Variants in ELF5 observed in about 807,000 individuals in gnomAD.
ELF5 encodes ETS-related transcription factor Elf-5.
Under a neutral mutation model 38.2 loss-of-function variants are expected in ELF5, and 31 were observed. The ratio of observed to expected loss-of-function variants is 0.81; its 90% CI spans 0.61 to 1.10. The LOEUF is 1.10. Ranked by LOEUF, ELF5 falls within the 50% of genes least tolerant of loss-of-function variation. The probability of loss-of-function intolerance (pLI) is 0.00; values close to 1 mark genes in which losing one functional copy is unlikely to be tolerated. For synonymous variants in ELF5, 121 were observed against 112.5 expected (o/e 1.08, Z -0.48); for missense variants, 300 against 306.6 (o/e 0.98, Z 0.16).
At chr11:34,502,614 C>T (rs561140133) in intron 2 of ELF5, among the ~76,000 whole-genome samples, 1 of 152,374 alleles carries the variant, frequency 6.6e-6, no homozygotes, top group African/African-American at 2.4e-5. Context: ...CATTTCACAC[C>T]CAACTTCGAC....
At position 34,481,629 on chromosome 11, in the gene ELF5, C is replaced by G. The variant is rs1000969741; in HGVS notation, c.476-662G>C. On this transcript the variant is annotated intron_variant, in intron 5 of 6. Coordinates refer to ENST00000257832, the MANE Select transcript of ELF5 (RefSeq NM_001422.4). The stretch of plus-strand genomic sequence containing the variant: ...CTTTCTGACAGGCAGCATGGTTGTA[C>G]TGATTCCACAGCCACAACTGTCTGG... Among the ~76,000 whole-genome samples, 5 of 152,260 alleles carry G rather than the reference C, an allele frequency of 3.3e-5. No individual in the cohort carries two copies. The South Asian group carries it at 1.0e-3, about 32-fold the overall frequency.
intron 1 of ELF5, among the ~76,000 whole-genome samples, chr11:34,510,559 C>A (rs1181076160): frequency 2.0e-5 from 3 of 152,082 alleles, no homozygotes; most frequent in African/African-American, 4.8e-5. Context: ...TGTCCAGAGC[C>A]CCCTTTCTCA....
chr11:34,495,854 C>T (rs897363981), intron 2 of ELF5, among the ~76,000 whole-genome samples: 1 of 152,186 alleles, frequency 6.6e-6, no homozygotes, highest in Non-Finnish European at 1.5e-5. Context: ...TTCCTGAGTT[C>T]GGCCTGAGCT....
At chr11:34,495,252 G>A (rs559151138) in intron 2 of ELF5, among the ~76,000 whole-genome samples, 41 of 152,350 alleles carry the variant, frequency 2.7e-4, no homozygotes, top group African/African-American at 9.9e-4. Flanking sequence ...AGAGCAGAGA[G>A]TGGCTAAGGT....
chr11:34,511,823 A>C, intron 1 of ELF5: 1 of 531,558 alleles, frequency 1.9e-6, no homozygotes, highest in Non-Finnish European at 3.4e-6. Context: ...CAGAGGAGGA[A>C]AATTCCTTCC....
intron 1 of ELF5, chr11:34,511,836 A>T: frequency 2.0e-6 from 1 of 501,896 alleles, no homozygotes; most frequent in South Asian, 2.6e-5. Context: ...TTCCTTCCTG[A>T]CTCTGGTGGT....
intron 2 of ELF5, among the ~76,000 whole-genome samples, chr11:34,500,531 CA>C (rs1850438404): frequency 6.6e-6 from 1 of 152,196 alleles, no homozygotes. Context: ...GGGCTGGCTG[CA>C]AAGTAGCCAT....
At chr11:34,481,950 A>G (rs556636076) in intron 5 of ELF5, among the ~76,000 whole-genome samples, 7 of 152,350 alleles carry the variant, frequency 4.6e-5, no homozygotes, top group Non-Finnish European at 1.0e-4. Context: ...GTGAAATTAC[A>G]AGCTTGACAC....
chr11:34,512,253 C>A (rs1050174943), intron 1 of ELF5, among the ~76,000 whole-genome samples: 5 of 122,176 alleles, frequency 4.1e-5, no homozygotes, highest in Non-Finnish European at 8.2e-5. Context: ...CTGTGAGAAC[C>A]AATTTGCTGA....
chr11:34,507,713 A>G (rs1850643359), intron 1 of ELF5, among the ~76,000 whole-genome samples: 1 of 152,240 alleles, frequency 6.6e-6, no homozygotes, highest in Non-Finnish European at 1.5e-5. Flanking sequence ...GATTAAAACA[A>G]TCTGTTCACC....
intron 1 of ELF5, 22 bp downstream of exon 1, chr11:34,513,655 A>G (rs1850820813): frequency 6.6e-6 from 1 of 152,316 alleles, no homozygotes; most frequent in Admixed American, 6.5e-5. Flanking sequence ...TTCATCCAAA[A>G]AAGCAAAGAA....
intron 1 of ELF5, among the ~76,000 whole-genome samples, chr11:34,506,922 G>A (rs2133902094): frequency 6.6e-6 from 1 of 152,344 alleles, no homozygotes; most frequent in Middle Eastern, 3.4e-3. Context: ...GTGTACGTGT[G>A]TGTGTGTTTG....
At chr11:34,495,826 TGGCAGAACAAGG>T (rs1850303032) in intron 2 of ELF5, among the ~76,000 whole-genome samples, 1 of 152,206 alleles carries the variant, frequency 6.6e-6, no homozygotes, top group Admixed American at 6.5e-5. Context: ...CAGGGGTTCC[TGGCAGAACAAGG>T]GGCCATTCCT....
At chr11:34,512,544 C>T (rs1850787275) in intron 1 of ELF5, among the ~76,000 whole-genome samples, 1 of 151,568 alleles carries the variant, frequency 6.6e-6, no homozygotes. Context: ...ATATTCATGC[C>T]CCTCTTCGAA....
chr11:34,484,045 T>C (rs1857005275), intron 4 of ELF5, among the ~76,000 whole-genome samples: 1 of 151,586 alleles, frequency 6.6e-6, no homozygotes, highest in African/African-American at 2.4e-5. Context: ...TATTATACTG[T>C]AGTATACTAT....
rs1474807372 is a variant in ELF5 at position 34,505,730 on chromosome 11, T to C, written c.20A>G (p.His7Arg). MLDSVT[H>R]STFLPNASFC... ...GGATGCATTAGGCAGGAAGGTGCTG[T>C]GTGTCACCGAGTCCAACATTACCCT... Residue 7 changes from histidine to arginine, a missense_variant, in exon 2 of 7, where the codon CAC becomes CGC. His to Arg is a conservative substitution (Grantham distance 29). Coordinates refer to ENST00000257832, the MANE Select transcript of ELF5 (RefSeq NM_001422.4). The C allele has an allele frequency of 6.2e-7, 1 of 1,613,820 alleles. No individual in the cohort carries two copies. Among genetic ancestry groups the C allele is most frequent in the South Asian group, 1.1e-5 (1 of 90,994 alleles).
intron 1 of ELF5, among the ~76,000 whole-genome samples, chr11:34,512,559 G>A (rs190806234): frequency 3.9e-4 from 57 of 147,816 alleles, no homozygotes; most frequent in Middle Eastern, 3.5e-3. Context: ...TTCGAACTAC[G>A]GTTTCCTCAT....
intron 2 of ELF5, among the ~76,000 whole-genome samples, chr11:34,497,616 G>A (rs559115823): frequency 6.6e-6 from 1 of 152,334 alleles, no homozygotes; most frequent in South Asian, 2.1e-4. Flanking sequence ...TATGCCTGAA[G>A]TGGCCCCATG....
At chr11:34,491,613 T>A (rs1012756254) in intron 3 of ELF5, 1 of 152,104 alleles carries the variant, frequency 6.6e-6, no homozygotes, top group Non-Finnish European at 1.5e-5. Flanking sequence ...TTTGCTCTTT[T>A]TGCCCAGGCT....
Sources: allele counts gnomAD v4.1 joint callset (sites outside exome capture counted in the v4.1 genomes callset), GRCh38; gene constraint gnomAD v4.1.1; transcripts MANE v1.5; gene names NCBI Gene and HGNC (gene_info 2026-07-23, HGNC 2026-07-21).